Variants in RABGEF1 observed in about 807,000 individuals in gnomAD.
RABGEF1 encodes the protein RAB guanine nucleotide exchange factor 1.
A neutral mutation model predicts 57.3 loss-of-function variants in RABGEF1; 26 were observed. That is an observed-to-expected ratio of 0.45 (90% CI 0.33 to 0.63). The LOEUF is 0.63. RABGEF1 is among the 20% of genes least tolerant of loss of function. The pLI, the probability that RABGEF1 is intolerant of heterozygous loss-of-function variation, is 0.02. For synonymous variants in RABGEF1, 185 were observed against 210.7 expected (o/e 0.88, Z 1.06); for missense variants, 464 against 607.6 (o/e 0.76, Z 2.48).
Position 66,750,727 on chromosome 7 carries a change from G to A in RABGEF1, c.-18+9935G>A, listed in dbSNP as rs187351106. ...TTCTGACAGAAAAACTGATCAGCCA[G>A]TTGGACTACAGGTCCAACCAGTTCC... On this transcript the variant is annotated intron_variant, in intron 1 of 8. Transcript: ENST00000284957. 2.2e-3 allele frequency among the ~76,000 whole-genome samples: 328 copies of A among 152,354 alleles called. 1 individual carries two copies. Among genetic ancestry groups the A allele is most frequent in the African/African-American group, 7.5e-3 (311 of 41,576 alleles).
At chr7:66,767,901 G>T (rs1161484163) in intron 1 of RABGEF1, among the ~76,000 whole-genome samples, 4 of 152,170 alleles carry the variant, frequency 2.6e-5, no homozygotes, top group Non-Finnish European at 5.9e-5. Flanking sequence ...GCTTCTATCA[G>T]CATAAAGCCT....
chr7:66,705,976 C>G (rs1200037207), intron 1 of RABGEF1, among the ~76,000 whole-genome samples: 1 of 143,876 alleles, frequency 7.0e-6, no homozygotes, highest in African/African-American at 2.6e-5. Context: ...AATCTCGGCT[C>G]ACTGCAAGCT....
upstream of RABGEF1, among the ~76,000 whole-genome samples, chr7:66,677,843 ATTGT>A (rs1051820972): frequency 2.6e-5 from 4 of 151,260 alleles, no homozygotes; most frequent in African/African-American, 9.7e-5. Flanking sequence ...AAGCTGGTGG[ATTGT>A]TTGAGTCCAG....
chr7:66,762,990 C>T (rs1345514760), intron 1 of RABGEF1, among the ~76,000 whole-genome samples: 2 of 152,190 alleles, frequency 1.3e-5, no homozygotes, highest in Non-Finnish European at 2.9e-5. Context: ...GTTTAAAACA[C>T]TCATTTATTT....
the RABGEF1 span, among the ~76,000 whole-genome samples, chr7:66,659,248 T>G: frequency 6.6e-6 from 1 of 151,204 alleles, no homozygotes; most frequent in Non-Finnish European, 1.5e-5. Flanking sequence ...GTCAGGAGTT[T>G]GAGACCAGCC....
chr7:66,713,005 G>A (rs1794948841), intron 2 of RABGEF1, among the ~76,000 whole-genome samples: 1 of 151,622 alleles, frequency 6.6e-6, no homozygotes, highest in Admixed American at 6.6e-5. Context: ...TGTAGAGATG[G>A]GGTCTTGCTT....
intron 2 of RABGEF1, among the ~76,000 whole-genome samples, chr7:66,728,313 G>A (rs1054406493): frequency 3.3e-5 from 5 of 152,142 alleles, no homozygotes; most frequent in African/African-American, 9.7e-5. Flanking sequence ...TTGTCTTGTG[G>A]AGAGCCAGAT....
chr7:66,664,497 G>T, the RABGEF1 span, among the ~76,000 whole-genome samples: 5 of 152,020 alleles, frequency 3.3e-5, no homozygotes, highest in Non-Finnish European at 7.4e-5. Flanking sequence ...GGAGGCTGAG[G>T]TGGGAGGATT....
chr7:66,692,826 T>C (rs1337880349), intron 1 of RABGEF1, among the ~76,000 whole-genome samples: 2 of 152,012 alleles, frequency 1.3e-5, no homozygotes, highest in African/African-American at 4.8e-5. Context: ...AAAAAGGAAG[T>C]GATTCCACAG....
intron 1 of RABGEF1, chr7:66,756,205 G>A (rs2129071670): frequency 8.7e-6 from 5 of 574,596 alleles, no homozygotes; most frequent in Middle Eastern, 4.1e-4. Context: ...TCTAAAGATG[G>A]CTAACCTTAG....
At chr7:66,656,213 CT>C in the RABGEF1 span, among the ~76,000 whole-genome samples, 1 of 152,142 alleles carries the variant, frequency 6.6e-6, no homozygotes. Flanking sequence ...ACTGCCTGTG[CT>C]CAAGGGATCC....
intron 1 of RABGEF1, among the ~76,000 whole-genome samples, chr7:66,760,396 C>T (rs1176684127): frequency 6.6e-6 from 1 of 151,612 alleles, no homozygotes; most frequent in Non-Finnish European, 1.5e-5. Context: ...GTTTATTTAA[C>T]CATCCCATAG....
intron 1 of RABGEF1, among the ~76,000 whole-genome samples, chr7:66,702,333 G>A (rs1216752539): frequency 6.8e-6 from 1 of 147,112 alleles, no homozygotes; most frequent in Non-Finnish European, 1.5e-5. Flanking sequence ...TCCACCTTCT[G>A]GCTATTGTTT....
chr7:66,802,870 C>T (rs1787606638), intron 7 of RABGEF1, among the ~76,000 whole-genome samples: 1 of 151,344 alleles, frequency 6.6e-6, no homozygotes, highest in South Asian at 2.1e-4. Context: ...AAAATGTCAA[C>T]AGTAAAGATG....
chr7:66,760,009 A>G lies in RABGEF1; in HGVS notation c.-17-11874A>G, dbSNP rs866036119. On this transcript the variant is annotated intron_variant, in intron 1 of 8. Coordinates refer to ENST00000284957, the MANE Select transcript of RABGEF1 (RefSeq NM_014504.3). ...GACAGTGTGGTTCAGTACCGTAACC[A>G]TACAAAACACCCTTATCATATAGAG... Among the ~76,000 whole-genome samples, 8 of 152,358 alleles carry G rather than the reference A, an allele frequency of 5.3e-5. No homozygotes were observed. In the South Asian group the frequency reaches 1.7e-3, roughly 32 times the overall value.
chr7:66,765,485 G>A (rs11768727), intron 1 of RABGEF1, among the ~76,000 whole-genome samples: 53,452 of 151,586 alleles, frequency 0.35, 10,794 homozygotes, highest in Non-Finnish European at 0.46. Flanking sequence ...AAGAAAAAAC[G>A]ACAAAAGTAG....
chr7:66,722,746 TTTTTTC>T (rs1456513960), intron 2 of RABGEF1, among the ~76,000 whole-genome samples: 16 of 152,156 alleles, frequency 1.1e-4, no homozygotes, highest in Non-Finnish European at 1.6e-4. Flanking sequence ...GTCTTCCAAT[TTTTTTC>T]TTTTTCAAGA....
Position 66,809,508 on chromosome 7 carries a change from T to C in RABGEF1, c.*224T>C, listed in dbSNP as rs564068800. ...GATACAGATTCATTTAAGGCTTGTG[T>C]GCAAATTTTGTCTCAATCTTTTTTC... On this transcript the variant is annotated 3_prime_UTR_variant, in exon 9 of 9. Coordinates refer to ENST00000284957, the MANE Select transcript of RABGEF1 (RefSeq NM_014504.3). 5.3e-5 allele frequency: 22 copies of C among 415,760 alleles called. No individual in the cohort carries two copies. The highest frequency in any genetic ancestry group is 2.1e-4 in the Admixed American group (5 of 23,698). The allele number at this position is 415,760 out of a possible 1,614,324, so 25.8% of individuals were successfully genotyped here. A position where few individuals can be genotyped will look rare whatever the true frequency, so the allele number is the denominator to read the frequency against.
In RABGEF1 at chr7:66,799,327, C is replaced by G; in HGVS notation, c.733C>G (p.Leu245Val). ...DLAIQKRIRA[L>V]RWVTPQMLCV... ...TTACTGTCTCTCTCTCTTTAGAGCC[C>G]TGCGCTGGGTTACGCCTCAGATGCT... Residue 245 changes from leucine (L) to valine (V), a missense_variant, in exon 7 of 9, where the codon CTG becomes GTG. By Grantham distance (32) the Leu-to-Val change is conservative. Coordinates refer to ENST00000284957, the MANE Select transcript of RABGEF1 (RefSeq NM_014504.3). 6.2e-7 allele frequency: 1 copy of G among 1,602,228 alleles called. No homozygotes were observed. The highest frequency in any genetic ancestry group is 8.6e-7 in the Non-Finnish European group (1 of 1,169,320).
Sources: allele counts gnomAD v4.1 joint callset (sites outside exome capture counted in the v4.1 genomes callset), GRCh38; gene constraint gnomAD v4.1.1; transcripts MANE v1.5; gene names NCBI Gene and HGNC (gene_info 2026-07-23, HGNC 2026-07-21).